The following PRKDC variants were observed in gnomAD, a reference collection of about 807,000 sequenced individuals.
PRKDC encodes the protein DNA-dependent protein kinase catalytic subunit.
Under a neutral mutation model 486.9 loss-of-function variants are expected in PRKDC, and 82 were observed. The ratio of observed to expected loss-of-function variants is 0.17; its 90% CI spans 0.14 to 0.20. The LOEUF is 0.20. Among genes scored for constraint, PRKDC ranks in the 10% least tolerant of loss-of-function variants. PRKDC has a pLI of 1.00. For missense variants in PRKDC, 4,504 were observed against 5,038.2 expected (o/e 0.89, Z 3.21); for synonymous variants, 1,895 against 1,837.0 (o/e 1.03, Z -0.81).
At chr8:47,863,653 A>G (rs555114559) in intron 41 of PRKDC, 76 bp from the exon 42 acceptor site, 16 of 1,228,698 alleles carry the variant, frequency 1.3e-5, no homozygotes, top group Middle Eastern at 2.6e-4. Flanking sequence ...ATCAAATTTA[A>G]TACTTAATAT....
chr8:47,940,519 G>C (rs1042163517), intron 10 of PRKDC, among the ~76,000 whole-genome samples: 1 of 152,070 alleles, frequency 6.6e-6, no homozygotes, highest in African/African-American at 2.4e-5. Context: ...CTGACCTTCG[G>C]GGAACTTTGC....
At position 47,811,733 on chromosome 8, in the gene PRKDC, T is replaced by G. The variant is rs547186989; in HGVS notation, c.9558-4407A>C. 1.8e-4 allele frequency among the ~76,000 whole-genome samples: 27 copies of G among 152,268 alleles called. No homozygotes were observed. In the South Asian group the frequency reaches 1.9e-3, roughly 11 times the overall value. On this transcript the variant is annotated intron_variant, in intron 68 of 85. Coordinates refer to ENST00000314191, the MANE Select transcript of PRKDC (RefSeq NM_006904.7). ...GGTTCACGCCTGTAATCCCAGCACTTTGGAAGGCTGAGGTGGGTGGATCAC... is the reference window on the plus strand; with the variant it reads ...GGTTCACGCCTGTAATCCCAGCACTGTGGAAGGCTGAGGTGGGTGGATCAC...
chr8:47,785,645 G>A (rs1004162390), intron 76 of PRKDC, among the ~76,000 whole-genome samples: 1 of 152,030 alleles, frequency 6.6e-6, no homozygotes, highest in Admixed American at 6.6e-5. Flanking sequence ...GAAGTGGGAG[G>A]ATCGCTATTG....
intron 31 of PRKDC, 72 bp downstream of exon 31, chr8:47,893,067 A>C: frequency 1.4e-6 from 2 of 1,454,084 alleles, no homozygotes; most frequent in Non-Finnish European, 1.8e-6. Flanking sequence ...TGGGATTCTG[A>C]CCTGGCAGAG....
chr8:47,788,362 A>T (rs952075681), intron 76 of PRKDC, among the ~76,000 whole-genome samples: 7 of 152,230 alleles, frequency 4.6e-5, no homozygotes, highest in Non-Finnish European at 1.0e-4. Flanking sequence ...CATCATTCTC[A>T]TCAAATGATG....
chr8:47,840,200 G>A lies in PRKDC; in HGVS notation c.7281-11C>T, dbSNP rs2088109509. The A allele has an allele frequency of 6.4e-7, 1 of 1,558,932 alleles. No individual in the cohort carries two copies. The highest frequency in any genetic ancestry group is 8.7e-7 in the Non-Finnish European group (1 of 1,149,236). The stretch of plus-strand genomic sequence containing the variant: ...TGTCTTTCATCATCTCTATGGGAGA[G>A]ATTTTAAAAACACACAAATTTAGCT... On this transcript the variant is annotated splice_polypyrimidine_tract_variant and intron_variant, in intron 54 of 85. Coordinates refer to ENST00000314191, the MANE Select transcript of PRKDC (RefSeq NM_006904.7).
rs2086717841 is a variant in PRKDC, at chr8:47,782,667, A to T, written c.11176-69T>A. 1 of 1,497,806 alleles carries T rather than the reference A, an allele frequency of 6.7e-7. No individual in the cohort carries two copies. The highest frequency in any genetic ancestry group is 1.4e-5 in the African/African-American group (1 of 72,324). The allele number at this position is 1,497,806 out of a possible 1,614,324, so 92.8% of individuals were successfully genotyped here. ...TGTCAAACTCAGAGGGAAAAGCCAGAGTGGCTGTGAGCATTCCTCCGTGGG... is the reference window on the plus strand; with the variant it reads ...TGTCAAACTCAGAGGGAAAAGCCAGTGTGGCTGTGAGCATTCCTCCGTGGG... On this transcript the variant is annotated intron_variant, in intron 78 of 85. Coordinates refer to ENST00000314191, the MANE Select transcript of PRKDC (RefSeq NM_006904.7). This position sits in a 1 kb window ranked among gnomAD's most constrained non-coding sequence, Gnocchi z 4.9.
intron 74 of PRKDC, among the ~76,000 whole-genome samples, chr8:47,793,058 T>C (rs2086909047): frequency 6.6e-6 from 1 of 152,166 alleles, no homozygotes; most frequent in Non-Finnish European, 1.5e-5. Flanking sequence ...ATTTTTATTT[T>C]ACTATTTTAG....
At chr8:47,880,938 T>C (rs963046782) in intron 38 of PRKDC, among the ~76,000 whole-genome samples, 1 of 151,124 alleles carries the variant, frequency 6.6e-6, no homozygotes, top group Admixed American at 6.6e-5. Context: ...TCCCAGCTAC[T>C]TGGGAGGCTG....
chr8:47,877,938 G>C, intron 39 of PRKDC, 87 bp from the exon 40 acceptor site: 2 of 968,166 alleles, frequency 2.1e-6, no homozygotes, highest in South Asian at 4.1e-5. Context: ...AATATAAAAA[G>C]TTTCTTATAT....
chr8:47,928,953 G>C (rs1165415684), intron 19 of PRKDC, 139 bp downstream of exon 19: 30 of 669,126 alleles, frequency 4.5e-5, no homozygotes, highest in Non-Finnish European at 7.6e-5. Flanking sequence ...GCCTCCCAAA[G>C]TGCTGGGATT....
Position 47,821,607 on chromosome 8 carries a change from A to G in PRKDC, c.9108T>C (p.Tyr3036=). 6.3e-7 allele frequency: 1 copy of G among 1,591,650 alleles called. No individual in the cohort carries two copies. The highest frequency in any genetic ancestry group is 1.7e-5 in the Admixed American group (1 of 57,462). ...DLNKIWSEPF[Y]QETYLPYMIR... ...CACTTAAAATAATTTTACCCACCTG[A>G]TAAAATGGTTCACTCCAGATTTTAT... Residue 3036 remains tyrosine (Y), a synonymous_variant, in exon 65 of 86, where the codon TAT becomes TAC. Coordinates refer to ENST00000314191, the MANE Select transcript of PRKDC (RefSeq NM_006904.7).
chr8:47,933,135 T>A lies in PRKDC; in HGVS notation c.1661A>T (p.Asn554Ile). The A allele has an allele frequency of 6.4e-7, 1 of 1,552,312 alleles. No individual in the cohort carries two copies. Residue 554 changes from asparagine (N) to isoleucine (I), a missense_variant, in exon 16 of 86, where the codon AAT becomes ATT. Asn to Ile is a moderately radical substitution (Grantham distance 149). This residue lies in a region of PRKDC where 1,969 missense variants were observed against 2,068.9 expected (regional missense o/e 0.95). Transcript: ENST00000314191. Reference protein sequence around the residue: ...ILADEAFFSVNSSSESLNHLL... With the variant: ...ILADEAFFSVISSSESLNHLL... ...ATGATTCAGACTTTCACTGGAGGAA[T>A]TCACAGAGAAAAATGCTTCATCTGC...
At chr8:47,885,048 T>A (rs953753746) in intron 36 of PRKDC, among the ~76,000 whole-genome samples, 1 of 152,226 alleles carries the variant, frequency 6.6e-6, no homozygotes, top group South Asian at 2.1e-4. Flanking sequence ...CAAATGTCAA[T>A]ACCCTGCATA....
In PRKDC at chr8:47,789,069, G is replaced by A. The variant is rs761459580; in HGVS notation, c.10759-20C>T. ...CCAATCCTGTCAGGGGAAAAAAAAA[G>A]TAAGAAAAAAATCAAGCTAGATTGC... On this transcript the variant is annotated intron_variant, in intron 75 of 85. Transcript: ENST00000314191. The A allele has an allele frequency of 3.1e-6, 5 of 1,610,902 alleles. No homozygotes were observed. The South Asian group carries it at 5.5e-5, about 18-fold the overall frequency.
At chr8:47,928,667 C>A (rs995630993) in intron 19 of PRKDC, among the ~76,000 whole-genome samples, 22 of 151,948 alleles carry the variant, frequency 1.4e-4, no homozygotes, top group Non-Finnish European at 7.4e-5. Context: ...ATTCTCCTCC[C>A]CCAGCCTCCT....
intron 20 of PRKDC, 95 bp from the exon 21 acceptor site, chr8:47,927,448 CCT>C: frequency 7.4e-7 from 1 of 1,359,248 alleles, no homozygotes; most frequent in Non-Finnish European, 1.0e-6. Flanking sequence ...AATTAATACT[CCT>C]TTTTATTACT....
rs768046320 is a variant in PRKDC, at chr8:47,912,426, G to C, written c.2918C>G (p.Ala973Gly). 3.1e-6 allele frequency: 5 copies of C among 1,589,816 alleles called. No homozygotes were observed. Among genetic ancestry groups the C allele is most frequent in the African/African-American group, 2.7e-5 (2 of 73,722 alleles). The stretch of plus-strand genomic sequence containing the variant: ...AGCCCTTACCTGATCAACATCACAC[G>C]CAAGTCGAAGCAGCACAGGAAACGT... Reference protein sequence around the residue: ...KRTFPVLLRLACDVDQVTRQL... With the variant: ...KRTFPVLLRLGCDVDQVTRQL... The change falls in exon 25 of 86, where the codon GCG becomes GGG. Residue 973 changes from alanine to glycine, a missense_variant. This residue lies in a region of PRKDC where 1,969 missense variants were observed against 2,068.9 expected (regional missense o/e 0.95). Transcript: ENST00000314191.
intron 45 of PRKDC, among the ~76,000 whole-genome samples, chr8:47,860,170 A>C (rs8178138): frequency 2.6e-5 from 4 of 152,264 alleles, no homozygotes; most frequent in Admixed American, 2.6e-4. Flanking sequence ...TCTCATATCA[A>C]GAAATGATGA....
Sources: gnomAD v4.1 joint callset for allele counts (sites outside exome capture counted in the v4.1 genomes callset) on GRCh38, gnomAD v4.1.1 for gene constraint, gnomAD v4.1.1 regional missense constraint, Gnocchi (gnomAD v3.1) non-coding constraint, MANE v1.5 for transcripts, NCBI Gene and HGNC (gene_info 2026-07-23, HGNC 2026-07-21) for gene names.